TRERF1: variants seen among roughly 807,000 people sequenced by gnomAD.
The protein encoded by TRERF1 is transcriptional regulating factor 1, also known as transcriptional-regulating factor 1.
A neutral mutation model predicts 122.9 loss-of-function variants in TRERF1; 27 were observed. That is an observed-to-expected ratio of 0.22 (90% confidence interval 0.16 to 0.30). TRERF1 has a LOEUF of 0.30. Among genes scored for constraint, TRERF1 ranks in the 10% least tolerant of loss-of-function variants. The pLI is 1.00. For synonymous variants in TRERF1, 636 were observed against 641.7 expected, an observed-to-expected ratio of 0.99 and a Z score of 0.13; for missense variants, 1,248 against 1,560.3, an observed-to-expected ratio of 0.80 and a Z score of 3.37.
chr6:42,251,558 G>A (rs11751949), intron 13 of TRERF1, among the ~76,000 whole-genome samples: 8,511 of 152,088 alleles, frequency 0.056, 309 homozygotes, highest in East Asian at 0.078. Flanking sequence ...CCAGTGCCAT[G>A]TTAGGCAAGG....
At chr6:42,291,224 G>A (rs1014287943) in intron 4 of TRERF1, among the ~76,000 whole-genome samples, 15 of 152,052 alleles carry the variant, frequency 9.9e-5, no homozygotes, top group African/African-American at 2.7e-4. Context: ...GATACTCTGC[G>A]GTGCCTCTTG....
chr6:42,387,268 C>G (rs1157461081), intron 2 of TRERF1, among the ~76,000 whole-genome samples: 1 of 152,190 alleles, frequency 6.6e-6, no homozygotes, highest in African/African-American at 2.4e-5. Context: ...AAATACAAAT[C>G]TAAGGAAATG....
intron 3 of TRERF1, among the ~76,000 whole-genome samples, chr6:42,332,394 C>T (rs901712463): frequency 1.3e-5 from 2 of 152,192 alleles, no homozygotes; most frequent in South Asian, 4.1e-4. Flanking sequence ...ACTCAGAAAA[C>T]AGACTAGCTA....
exon 18 of TRERF1, chr6:42,225,756 T>C (rs1769422890): frequency 6.6e-6 from 1 of 152,192 alleles, no homozygotes; most frequent in Non-Finnish European, 1.5e-5. Flanking sequence ...TTCTTTACAA[T>C]AGAACTCCTA....
chr6:42,257,829 TGAGCCACCCG>T (rs1777048570), intron 10 of TRERF1, among the ~76,000 whole-genome samples: 1 of 152,220 alleles, frequency 6.6e-6, no homozygotes, highest in Non-Finnish European at 1.5e-5. Context: ...TCTTAAAGAA[TGAGCCACCCG>T]GAGGGAGATG....
At chr6:42,410,572 C>T (rs1405159745) in intron 2 of TRERF1, among the ~76,000 whole-genome samples, 1 of 152,164 alleles carries the variant, frequency 6.6e-6, no homozygotes, top group Non-Finnish European at 1.5e-5. Flanking sequence ...GAAGCCTTCC[C>T]AAACCTCACC....
intron 4 of TRERF1, among the ~76,000 whole-genome samples, chr6:42,284,949 T>A (rs1001207640): frequency 6.6e-6 from 1 of 152,220 alleles, no homozygotes; most frequent in African/African-American, 2.4e-5. Flanking sequence ...CTGAAAACAT[T>A]TTCTGAAGTA....
intron 2 of TRERF1, among the ~76,000 whole-genome samples, chr6:42,427,964 A>G (rs1234479609): frequency 6.6e-6 from 1 of 152,200 alleles, no homozygotes; most frequent in African/African-American, 2.4e-5. Context: ...CAAGTCATAT[A>G]CACCCTAGAG....
intron 4 of TRERF1, among the ~76,000 whole-genome samples, chr6:42,270,461 A>C (rs1334891172): frequency 2.0e-5 from 3 of 152,226 alleles, no homozygotes; most frequent in Non-Finnish European, 2.9e-5. Flanking sequence ...AATATAAAGA[A>C]GTTTAAGATA....
chr6:42,245,978 C>T (rs1040035481), intron 14 of TRERF1, among the ~76,000 whole-genome samples: 5 of 152,162 alleles, frequency 3.3e-5, no homozygotes, highest in South Asian at 2.1e-4. Flanking sequence ...CGTGGTGGTG[C>T]ATGCCTGTAA....
At chr6:42,314,923 AG>A (rs1412060726) in intron 3 of TRERF1, among the ~76,000 whole-genome samples, 1 of 152,226 alleles carries the variant, frequency 6.6e-6, no homozygotes, top group Non-Finnish European at 1.5e-5. Context: ...TGGAGCGAAT[AG>A]GTTGGTCGCA....
At chr6:42,292,330 G>A (rs939906013) in intron 4 of TRERF1, among the ~76,000 whole-genome samples, 2 of 152,114 alleles carry the variant, frequency 1.3e-5, no homozygotes. Context: ...AGGAGTGGAC[G>A]CAGGAGGGAA....
chr6:42,261,162 A>G (rs1777788216), intron 8 of TRERF1, among the ~76,000 whole-genome samples: 2 of 152,050 alleles, frequency 1.3e-5, no homozygotes, highest in Non-Finnish European at 2.9e-5. Context: ...AGAATGGGGG[A>G]AGGAGGCCTG....
At chr6:42,352,258 G>A (rs1489236108) in intron 3 of TRERF1, among the ~76,000 whole-genome samples, 3 of 152,202 alleles carry the variant, frequency 2.0e-5, no homozygotes, top group Admixed American at 2.0e-4. Flanking sequence ...ACTTGCCAAA[G>A]TGCTCGGATT....
chr6:42,285,525 T>C (rs996745808), intron 4 of TRERF1, among the ~76,000 whole-genome samples: 11 of 152,044 alleles, frequency 7.2e-5, no homozygotes, highest in Non-Finnish European at 1.5e-4. Flanking sequence ...CTATGTTGAA[T>C]AGGAGTGGTG....
chr6:42,426,092 A>G (rs1314492420), intron 2 of TRERF1, among the ~76,000 whole-genome samples: 10 of 152,140 alleles, frequency 6.6e-5, no homozygotes, highest in Non-Finnish European at 1.3e-4. Flanking sequence ...GACATCATCC[A>G]GGCCCATCTC....
At chr6:42,386,753 G>C (rs1463895970) in intron 2 of TRERF1, among the ~76,000 whole-genome samples, 1 of 152,214 alleles carries the variant, frequency 6.6e-6, no homozygotes, top group Non-Finnish European at 1.5e-5. Context: ...CTGGAGCTGG[G>C]GGGTTGCATT....
At chr6:42,402,414 T>C (rs1468399424) in intron 2 of TRERF1, among the ~76,000 whole-genome samples, 1 of 152,082 alleles carries the variant, frequency 6.6e-6, no homozygotes, top group Non-Finnish European at 1.5e-5. Flanking sequence ...AAACACCGGG[T>C]GCAGGGCTGT....
chr6:42,278,998 G>A (rs1781787527), intron 4 of TRERF1, among the ~76,000 whole-genome samples: 2 of 152,216 alleles, frequency 1.3e-5, no homozygotes, highest in African/African-American at 4.8e-5. Flanking sequence ...TGCCAGGGCT[G>A]CTAGGGGACA....
Sources: gnomAD v4.1 joint callset for allele counts (sites outside exome capture counted in the v4.1 genomes callset) on GRCh38, gnomAD v4.1.1 for gene constraint, MANE v1.5 for transcripts, NCBI Gene and HGNC (gene_info 2026-07-23, HGNC 2026-07-21) for gene names.